TGFBR3: variants seen among roughly 807,000 people sequenced by gnomAD.
The protein encoded by TGFBR3 is transforming growth factor beta receptor type 3.
Under a neutral mutation model 87.9 loss-of-function variants are expected in TGFBR3, and 46 were observed. The observed-to-expected ratio is 0.52, with a 90% confidence interval of 0.41 to 0.67. The LOEUF is 0.67. Ranked by LOEUF, TGFBR3 falls within the 30% of genes least tolerant of loss-of-function variation. TGFBR3 has a pLI of 0.00. For missense variants in TGFBR3, 866 were observed against 1,041.9 expected, an observed-to-expected ratio of 0.83 and a Z score of 2.32; for synonymous variants, 381 against 391.6, an observed-to-expected ratio of 0.97 and a Z score of 0.32.
In TGFBR3 at chr1:91,780,551, CTTTTTTTT is replaced by C. The variant is rs60294904; in HGVS notation, c.246+16728_246+16735del. On this transcript the variant is annotated intron_variant, in intron 3 of 16. Transcript: ENST00000212355. The stretch of plus-strand genomic sequence containing the variant: ...TACTAGTTCCCGCAAGGGTCTAAGG[CTTTTTTTT>C]TTTTTTTTTTTTTTTCTGACATGGA... Among the ~76,000 whole-genome samples, 73 of 77,170 alleles carry C rather than the reference CTTTTTTTT, an allele frequency of 9.5e-4. 1 individual carries two copies. The highest frequency in any genetic ancestry group is 3.8e-3 in the African/African-American group (69 of 18,358). The allele number at this position is 77,170 out of a possible 152,430, so 50.6% of individuals were successfully genotyped here.
chr1:91,874,178 G>C (rs1678695709), intron 1 of TGFBR3, among the ~76,000 whole-genome samples: 2 of 152,268 alleles, frequency 1.3e-5, no homozygotes, highest in South Asian at 2.1e-4. Flanking sequence ...AAGCAGAAAA[G>C]GGAGAGACAA....
intron 16 of TGFBR3, among the ~76,000 whole-genome samples, chr1:91,693,389 A>C (rs1671328749): frequency 6.6e-6 from 1 of 152,150 alleles, no homozygotes. Flanking sequence ...TTACTTACAA[A>C]CCTATTTCTA....
intron 1 of TGFBR3, among the ~76,000 whole-genome samples, chr1:91,871,969 G>T (rs1221510014): frequency 6.6e-6 from 1 of 152,190 alleles, no homozygotes; most frequent in African/African-American, 2.4e-5. Context: ...TATGTTGTTA[G>T]AATTCAGGAA....
At chr1:91,830,590 A>C (rs1332190077) in intron 2 of TGFBR3, among the ~76,000 whole-genome samples, 1 of 152,126 alleles carries the variant, frequency 6.6e-6, no homozygotes, top group African/African-American at 2.4e-5. Flanking sequence ...CGGGAGCTGC[A>C]GTCATACCAG....
At chr1:91,902,270 T>TG (rs1679736893) in intron 1 of TGFBR3, among the ~76,000 whole-genome samples, 4 of 132,498 alleles carry the variant, frequency 3.0e-5, no homozygotes, top group African/African-American at 8.4e-5. Context: ...TTCCTTTTCT[T>TG]TTGTGTGTGT....
intron 3 of TGFBR3, among the ~76,000 whole-genome samples, chr1:91,794,513 T>TA (rs71311982): frequency 0.24 from 36,308 of 152,088 alleles, 5,585 homozygotes; most frequent in Middle Eastern, 0.35. Flanking sequence ...TCCACTTTTT[T>TA]AAAAAAACAT....
At chr1:91,891,422 C>T (rs543664246) in intron 2 of TGFBR3, among the ~76,000 whole-genome samples, 80 of 150,700 alleles carry the variant, frequency 5.3e-4, no homozygotes, top group African/African-American at 1.7e-3. Context: ...CACTTGAGCC[C>T]GGTAGGTTGA....
At position 91,766,660 on chromosome 1, in the gene TGFBR3, C is replaced by CA. The variant is rs1674199414; in HGVS notation, c.247-7911dup. Among the ~76,000 whole-genome samples the CA allele has an allele frequency of 1.5e-5, 2 of 133,216 alleles. 1 individual carries two copies. Among genetic ancestry groups the CA allele is most frequent in the Non-Finnish European group, 3.3e-5 (2 of 60,762 alleles). The allele number at this position is 133,216 out of a possible 152,430, so 87.4% of individuals were successfully genotyped here. ...ATTCCGGACAGAAAATATAATTAAG[C>CA]ATTAACATGCTGCTCTTTGACCTAG... On this transcript the variant is annotated intron_variant, in intron 3 of 16. Transcript: ENST00000212355.
At chr1:91,833,335 C>G (rs910216999) in intron 2 of TGFBR3, among the ~76,000 whole-genome samples, 1 of 147,484 alleles carries the variant, frequency 6.8e-6, no homozygotes, top group African/African-American at 2.5e-5. Flanking sequence ...GTAACCCACG[C>G]CTGTAATACC....
intron 4 of TGFBR3, among the ~76,000 whole-genome samples, chr1:91,748,476 A>G (rs547395839): frequency 1.0e-3 from 157 of 152,202 alleles, no homozygotes; most frequent in Non-Finnish European, 1.7e-3. Flanking sequence ...CAAGTGAAAT[A>G]CTGATATGAT....
intron 4 of TGFBR3, among the ~76,000 whole-genome samples, chr1:91,752,137 C>T (rs1457534822): frequency 6.6e-6 from 1 of 152,120 alleles, no homozygotes; most frequent in Non-Finnish European, 1.5e-5. Flanking sequence ...AAACAAAAAC[C>T]TGAATTACCT....
upstream of TGFBR3, among the ~76,000 whole-genome samples, chr1:91,890,634 G>C (rs1679425070): frequency 6.6e-6 from 1 of 151,714 alleles, no homozygotes; most frequent in Admixed American, 6.6e-5. Context: ...TGGCCAGGCT[G>C]GTCTCAAACT....
intron 3 of TGFBR3, among the ~76,000 whole-genome samples, chr1:91,780,550 G>GTTTTTTTT (rs563352956): frequency 1.3e-5 from 1 of 75,548 alleles, no homozygotes; most frequent in Non-Finnish European, 2.8e-5. Flanking sequence ...AGGGTCTAAG[G>GTTTTTTTT]CTTTTTTTTT....
At chr1:91,698,398 G>A (rs921050684) in intron 14 of TGFBR3, among the ~76,000 whole-genome samples, 5 of 151,906 alleles carry the variant, frequency 3.3e-5, no homozygotes, top group Admixed American at 1.3e-4. Flanking sequence ...ATTTGGGTCC[G>A]ACAATTTGTG....
At chr1:91,817,951 A>T (rs1676294942) in intron 2 of TGFBR3, among the ~76,000 whole-genome samples, 1 of 152,020 alleles carries the variant, frequency 6.6e-6, no homozygotes, top group African/African-American at 2.4e-5. Context: ...TTTTTTACAG[A>T]TGCATTTACA....
At chr1:91,723,924 C>T (rs916637158) in intron 7 of TGFBR3, among the ~76,000 whole-genome samples, 2 of 152,214 alleles carry the variant, frequency 1.3e-5, no homozygotes, top group Non-Finnish European at 2.9e-5. Context: ...CTGTAAAACC[C>T]TAAAAGATTC....
chr1:91,850,080 CAAA>C lies in TGFBR3; in HGVS notation c.61+11388_61+11390del, dbSNP rs376631972. Among the ~76,000 whole-genome samples the C allele has an allele frequency of 3.5e-3, 183 of 52,136 alleles. 1 individual carries two copies. The highest frequency in any genetic ancestry group is 0.028 in the South Asian group (33 of 1,162). The allele number at this position is 52,136 out of a possible 152,430, so 34.2% of individuals were successfully genotyped here. A position where few individuals can be genotyped will look rare whatever the true frequency, so the allele number is the denominator to read the frequency against. ...TGGGCAACAGAGCAAGACTCCATCTCAAAAAAAAAAAAAAAAAAAAAAAAGAAA... is the reference window on the plus strand; with the variant it reads ...TGGGCAACAGAGCAAGACTCCATCTCAAAAAAAAAAAAAAAAAAAAAGAAA... On this transcript the variant is annotated intron_variant, in intron 2 of 16. Coordinates refer to ENST00000212355, the MANE Select transcript of TGFBR3 (RefSeq NM_003243.5).
intron 2 of TGFBR3, among the ~76,000 whole-genome samples, chr1:91,819,423 C>G (rs1246739332): frequency 6.6e-6 from 1 of 151,838 alleles, no homozygotes; most frequent in Non-Finnish European, 1.5e-5. Flanking sequence ...TAAGCGAGGC[C>G]ACTCCTCAAA....
At chr1:91,684,803 T>C (rs1350260277) in intron 16 of TGFBR3, among the ~76,000 whole-genome samples, 1 of 152,158 alleles carries the variant, frequency 6.6e-6, no homozygotes, top group African/African-American at 2.4e-5. Flanking sequence ...AAACACTGCA[T>C]TTACTTTGAA....
Sources: allele counts gnomAD v4.1 joint callset (sites outside exome capture counted in the v4.1 genomes callset), GRCh38; gene constraint gnomAD v4.1.1; transcripts MANE v1.5; gene names NCBI Gene and HGNC (gene_info 2026-07-23, HGNC 2026-07-21).